PHACTR2: variants seen among roughly 807,000 people sequenced by gnomAD.
The protein encoded by PHACTR2 is phosphatase and actin regulator 2.
Under a neutral mutation model 76.0 loss-of-function variants are expected in PHACTR2, and 30 were observed. The ratio of observed to expected loss-of-function variants is 0.39; its 90% CI spans 0.30 to 0.54. The LOEUF (loss-of-function observed/expected upper bound fraction) is 0.54. Among genes scored for constraint, PHACTR2 ranks in the 20% least tolerant of loss-of-function variants. PHACTR2 has a pLI of 0.61. For missense variants in PHACTR2, 696 were observed against 781.1 expected, an observed-to-expected ratio of 0.89 and a Z score of 1.30; for synonymous variants, 292 against 292.5, an observed-to-expected ratio of 1.00 and a Z score of 0.02.
intron 6 of PHACTR2, among the ~76,000 whole-genome samples, chr6:143,766,395 G>C (rs1310701186): frequency 6.6e-6 from 1 of 152,204 alleles, no homozygotes. Flanking sequence ...AGACACCTCT[G>C]TGTGCCCAGC....
intron 2 of PHACTR2, 30 bp from the exon 3 acceptor site, chr6:143,748,955 A>G: frequency 8.9e-7 from 1 of 1,122,698 alleles, no homozygotes; most frequent in South Asian, 1.3e-5. Context: ...GAATGACTTG[A>G]TTCTTACTTG....
At chr6:143,660,927 C>A (rs904673822) in intron 1 of PHACTR2, among the ~76,000 whole-genome samples, 3 of 152,130 alleles carry the variant, frequency 2.0e-5, no homozygotes, top group African/African-American at 4.8e-5. Flanking sequence ...GGCTTGAGAA[C>A]TGAGGCTTTA....
intron 1 of PHACTR2, among the ~76,000 whole-genome samples, chr6:143,643,795 G>A (rs1562257317): frequency 6.6e-6 from 1 of 152,154 alleles, no homozygotes; most frequent in Non-Finnish European, 1.5e-5. Flanking sequence ...TGCACATTTA[G>A]TTTATAAGCA....
chr6:143,734,558 C>A (rs1397736033), intron 2 of PHACTR2, among the ~76,000 whole-genome samples: 1 of 152,188 alleles, frequency 6.6e-6, no homozygotes, highest in Non-Finnish European at 1.5e-5. Context: ...ATGGATGCTA[C>A]TGATTTTGCT....
Position 143,639,476 on chromosome 6 carries a change from T to A in PHACTR2, c.13+31154T>A, listed in dbSNP as rs1361625933. On this transcript the variant is annotated intron_variant, in intron 1 of 11. Coordinates refer to the PHACTR2 transcript ENST00000305766. The surrounding 1 kb of genome is among the most constrained non-coding windows in gnomAD (Gnocchi z 5.0). Reference sequence around the variant, plus strand: ...TCTTATTTTTAATTCACACTTTTGTTTTCTGCTTATGTAGATCACCTATTT... The same window carrying A: ...TCTTATTTTTAATTCACACTTTTGTATTCTGCTTATGTAGATCACCTATTT... Among the ~76,000 whole-genome samples, 1 of 152,224 alleles carries A rather than the reference T, an allele frequency of 6.6e-6. No individual in the cohort carries two copies. Among genetic ancestry groups the A allele is most frequent in the Non-Finnish European group, 1.5e-5 (1 of 68,036 alleles).
In PHACTR2 at chr6:143,578,799, G is replaced by A. The variant is rs765602418; in HGVS notation, c.217+41592G>A. Among the ~76,000 whole-genome samples, 30 of 152,232 alleles carry A rather than the reference G, an allele frequency of 2.0e-4. No homozygotes were observed. The highest frequency in any genetic ancestry group is 3.7e-4 in the Non-Finnish European group (25 of 68,016). ...TCAGAAGTGAAAGCAGCTCAAAGATGAGGGAGAAGACGATGACCAAGTGGA... is the reference window on the plus strand; with the variant it reads ...TCAGAAGTGAAAGCAGCTCAAAGATAAGGGAGAAGACGATGACCAAGTGGA... On this transcript the variant is annotated intron_variant, in intron 1 of 11. Transcript: ENST00000367584. This position sits in a 1 kb window ranked among gnomAD's most constrained non-coding sequence, Gnocchi z 4.5.
Position 143,666,443 on chromosome 6 carries a change from GA to G in PHACTR2, c.14-45571del, listed in dbSNP as rs1221348782. 2.0e-5 allele frequency among the ~76,000 whole-genome samples: 3 copies of G among 152,296 alleles called. No individual in the cohort carries two copies. The East Asian group carries it at 5.8e-4, about 29-fold the overall frequency. On this transcript the variant is annotated intron_variant, in intron 1 of 11. Transcript: ENST00000305766. ...GTATTTCTGGTTCTAGATCCTTGAA[GA>G]ATCACCACAGTGTCTTCCACAATGT... is the stretch of plus-strand genomic sequence containing the variant.
In PHACTR2 at chr6:143,581,563, A is replaced by G. The variant is rs536790577; in HGVS notation, c.217+44356A>G. On this transcript the variant is annotated intron_variant, in intron 1 of 11. Coordinates refer to the PHACTR2 transcript ENST00000367584. This position sits in a 1 kb window ranked among gnomAD's most constrained non-coding sequence, Gnocchi z 4.5. Reference sequence around the variant, plus strand: ...ACAGGAGGAATGGCGGGAAGGATGAATGGATATGTGTATTAATTATCTATT... The same window carrying G: ...ACAGGAGGAATGGCGGGAAGGATGAGTGGATATGTGTATTAATTATCTATT... Among the ~76,000 whole-genome samples, 1 of 152,290 alleles carries G rather than the reference A, an allele frequency of 6.6e-6. No individual in the cohort carries two copies. Among genetic ancestry groups the G allele is most frequent in the South Asian group, 2.1e-4 (1 of 4,824 alleles).
rs1372583294 is a variant in PHACTR2 at position 143,648,513 on chromosome 6, G to A, written c.13+40191G>A. Among the ~76,000 whole-genome samples, 1 of 152,198 alleles carries A rather than the reference G, an allele frequency of 6.6e-6. No individual in the cohort carries two copies. The highest frequency in any genetic ancestry group is 1.5e-5 in the Non-Finnish European group (1 of 68,036). The stretch of plus-strand genomic sequence containing the variant: ...ATGGCTGATAGAAAGGGAAGCCTGC[G>A]ATGGGTGGGTTGAGTCAGGTAAGAC... On this transcript the variant is annotated intron_variant, in intron 1 of 11. Coordinates refer to the PHACTR2 transcript ENST00000305766. The surrounding 1 kb of genome is among the most constrained non-coding windows in gnomAD (Gnocchi z 6.7).
chr6:143,578,290 C>T lies in PHACTR2; in HGVS notation c.217+41083C>T, dbSNP rs1775535227. On this transcript the variant is annotated intron_variant, in intron 1 of 11. Transcript: ENST00000367584. This position sits in a 1 kb window ranked among gnomAD's most constrained non-coding sequence, Gnocchi z 4.5. ...CCCCTTTGTCAGTGCAATGCCTCAT[C>T]CTCCATGTTTCCCCTTCTAGGATGA... Among the ~76,000 whole-genome samples, 1 of 152,190 alleles carries T rather than the reference C, an allele frequency of 6.6e-6. No individual in the cohort carries two copies. Among genetic ancestry groups the T allele is most frequent in the African/African-American group, 2.4e-5 (1 of 41,442 alleles).
At position 143,578,945 on chromosome 6, in the gene PHACTR2, C is replaced by G. The variant is rs1027623145; in HGVS notation, c.217+41738C>G. ...TTGAGACAGGATCTTGTTCTGGCACCCAGGCTGGAGTGCAGTGGCGTGATC... is the reference window on the plus strand; with the variant it reads ...TTGAGACAGGATCTTGTTCTGGCACGCAGGCTGGAGTGCAGTGGCGTGATC... On this transcript the variant is annotated intron_variant, in intron 1 of 11. Coordinates refer to the PHACTR2 transcript ENST00000367584. The surrounding 1 kb of genome is among the most constrained non-coding windows in gnomAD (Gnocchi z 4.5). Among the ~76,000 whole-genome samples, 1 of 152,116 alleles carries G rather than the reference C, an allele frequency of 6.6e-6. No homozygotes were observed. Among genetic ancestry groups the G allele is most frequent in the African/African-American group, 2.4e-5 (1 of 41,408 alleles).
chr6:143,767,704 A>G lies in PHACTR2; in HGVS notation c.1232+1906A>G, dbSNP rs1311838724. On this transcript the variant is annotated intron_variant, in intron 6 of 12. Transcript: ENST00000440869. The surrounding 1 kb of genome is among the most constrained non-coding windows in gnomAD (Gnocchi z 4.4). Reference sequence around the variant, plus strand: ...GGTGGAAGGGCAGAGAGCACAACAGAGTGAACCTACCCCTGTGAGCCCTTT... The same window carrying G: ...GGTGGAAGGGCAGAGAGCACAACAGGGTGAACCTACCCCTGTGAGCCCTTT... Among the ~76,000 whole-genome samples the G allele has an allele frequency of 6.6e-6, 1 of 152,168 alleles. No individual in the cohort carries two copies. Among genetic ancestry groups the G allele is most frequent in the Non-Finnish European group, 1.5e-5 (1 of 68,030 alleles).
chr6:143,594,366 A>T (rs1775725445), intron 1 of PHACTR2, among the ~76,000 whole-genome samples: 1 of 152,238 alleles, frequency 6.6e-6, no homozygotes, highest in Non-Finnish European at 1.5e-5. Context: ...GTCTCAGAGC[A>T]GGGTCTTGTT....
intron 1 of PHACTR2, among the ~76,000 whole-genome samples, chr6:143,640,969 A>G (rs746763264): frequency 7.9e-5 from 12 of 152,204 alleles, no homozygotes; most frequent in Non-Finnish European, 1.6e-4. Context: ...AGTCTGTTTT[A>G]TGCTTCTGTA....
In PHACTR2 at chr6:143,738,240, A is replaced by C. The variant is rs1326682260; in HGVS notation, c.215-10745A>C. Among the ~76,000 whole-genome samples, 1 of 152,068 alleles carries C rather than the reference A, an allele frequency of 6.6e-6. No homozygotes were observed. The highest frequency in any genetic ancestry group is 2.4e-5 in the African/African-American group (1 of 41,386). On this transcript the variant is annotated intron_variant, in intron 2 of 12. Transcript: ENST00000440869. This position sits in a 1 kb window ranked among gnomAD's most constrained non-coding sequence, Gnocchi z 4.0. ...GTGGGGGGCGCCTGTAATCCCAGCTACTCAGGAGGCTGAGGCAGGAGAATC... is the reference window on the plus strand; with the variant it reads ...GTGGGGGGCGCCTGTAATCCCAGCTCCTCAGGAGGCTGAGGCAGGAGAATC...
At chr6:143,723,101 A>G (rs1778480051) in intron 2 of PHACTR2, among the ~76,000 whole-genome samples, 1 of 152,174 alleles carries the variant, frequency 6.6e-6, no homozygotes, top group African/African-American at 2.4e-5. Flanking sequence ...TTTTCATGTA[A>G]TGAACCACAT....
chr6:143,730,590 A>G lies in PHACTR2; in HGVS notation c.215-18395A>G, dbSNP rs1396758801. Among the ~76,000 whole-genome samples, 1 of 152,188 alleles carries G rather than the reference A, an allele frequency of 6.6e-6. No individual in the cohort carries two copies. Among genetic ancestry groups the G allele is most frequent in the Non-Finnish European group, 1.5e-5 (1 of 68,022 alleles). ...GAATGGGAATCATTTTATTTCTTCC[A>G]TTCTAACCTGCATGTTTTTTATTTT... On this transcript the variant is annotated intron_variant, in intron 2 of 12. Coordinates refer to ENST00000440869, the MANE Select transcript of PHACTR2 (RefSeq NM_001100164.2). The surrounding 1 kb of genome is among the most constrained non-coding windows in gnomAD (Gnocchi z 4.8).
Position 143,647,698 on chromosome 6 carries a change from A to G in PHACTR2, c.13+39376A>G, listed in dbSNP as rs1776684033. On this transcript the variant is annotated intron_variant, in intron 1 of 11. Coordinates refer to the PHACTR2 transcript ENST00000305766. The surrounding 1 kb of genome is among the most constrained non-coding windows in gnomAD (Gnocchi z 4.2). ...GAAACCTTGGTTGAAGTGAGGGAGG[A>G]GGAAACCTTGCAGATATCTTGGGAG... 6.6e-6 allele frequency among the ~76,000 whole-genome samples: 1 copy of G among 152,150 alleles called. No individual in the cohort carries two copies. The highest frequency in any genetic ancestry group is 6.5e-5 in the Admixed American group (1 of 15,268).
Position 143,708,624 on chromosome 6 carries a change from T to A in PHACTR2, c.47-3392T>A, listed in dbSNP as rs1024384259. On this transcript the variant is annotated intron_variant, in intron 1 of 12. Transcript: ENST00000440869. The surrounding 1 kb of genome is among the most constrained non-coding windows in gnomAD (Gnocchi z 5.5). ...ATCCACAAGAAAAATTATAGAAATA[T>A]CAATAGCAATGCCCAGTGTCCTGGG... 4.6e-5 allele frequency among the ~76,000 whole-genome samples: 7 copies of A among 152,306 alleles called. No homozygotes were observed. The highest frequency in any genetic ancestry group is 4.6e-4 in the Admixed American group (7 of 15,300).
Sources: gnomAD v4.1 joint callset for allele counts (sites outside exome capture counted in the v4.1 genomes callset) on GRCh38, gnomAD v4.1.1 for gene constraint, Gnocchi (gnomAD v3.1) non-coding constraint, MANE v1.5 for transcripts, NCBI Gene and HGNC (gene_info 2026-07-23, HGNC 2026-07-21) for gene names.